The following PATL2 variants were observed in gnomAD, a reference collection of about 807,000 sequenced individuals.
PATL2 encodes PAT1 homolog 2.
In PATL2, 73 loss-of-function variants were observed where a neutral mutation model predicts 77.0. That is an observed-to-expected ratio of 0.95 (90% CI 0.78 to 1.15). The LOEUF (loss-of-function observed/expected upper bound fraction) is 1.15. Among genes scored for constraint, PATL2 ranks in the 50% most tolerant of loss-of-function variants. The pLI is 0.00. For synonymous variants in PATL2, 265 were observed against 257.1 expected, an observed-to-expected ratio of 1.03 and a Z score of -0.29; for missense variants, 618 against 655.4, an observed-to-expected ratio of 0.94 and a Z score of 0.62.
At chr15:44,700,900 G>A (rs2141263244) in intron 3 of PATL2, among the ~76,000 whole-genome samples, 1 of 152,200 alleles carries the variant, frequency 6.6e-6, no homozygotes, top group East Asian at 1.9e-4. Context: ...TACTAGCTGT[G>A]GGTTTGTCAT....
At chr15:44,669,211 C>A (rs1595958040) in intron 13 of PATL2, 69 bp downstream of exon 13, 1 of 1,525,850 alleles carries the variant, frequency 6.6e-7, no homozygotes, top group East Asian at 2.5e-5. Flanking sequence ...AAAGGAGAGG[C>A]AGAAGCAAGA....
chr15:44,677,004 G>C, intron 3 of PATL2: 4 of 688,538 alleles, frequency 5.8e-6, no homozygotes, highest in Non-Finnish European at 7.2e-6. Flanking sequence ...ATCCATTGGG[G>C]CCTGATGGAA....
At position 44,666,557 on chromosome 15, in the gene PATL2, A is replaced by G. The variant is rs1361910075; in HGVS notation, c.1464-16T>C. 3 of 1,500,838 alleles carry G rather than the reference A, an allele frequency of 2.0e-6. No homozygotes were observed. Among genetic ancestry groups the G allele is most frequent in the Non-Finnish European group, 8.9e-7 (1 of 1,126,158 alleles). 93.0% of individuals were successfully genotyped at this position (1,500,838 alleles called of 1,614,324 possible). A position where few individuals can be genotyped will look rare whatever the true frequency, so the allele number is the denominator to read the frequency against. On this transcript the variant is annotated splice_polypyrimidine_tract_variant and intron_variant, in intron 16 of 17. Coordinates refer to ENST00000682850, the MANE Select transcript of PATL2 (RefSeq NM_001387263.1). ...CATGTCTGTCCTAGAGAGCATAAAT[A>G]TAAATATAAGCAAATAGATTTGCTT...
chr15:44,668,929 C>A (rs2085518850), intron 14 of PATL2, 51 bp downstream of exon 14: 1 of 1,480,016 alleles, frequency 6.8e-7, no homozygotes, highest in Non-Finnish European at 9.0e-7. Context: ...GGAGGAATGA[C>A]CCCTAACCTA....
At chr15:44,668,289 AG>A in intron 15 of PATL2, 52 bp downstream of exon 15, 2 of 1,524,368 alleles carry the variant, frequency 1.3e-6, no homozygotes, top group Non-Finnish European at 1.8e-6. Context: ...ACCCCTTATC[AG>A]TGATACCAAC....
rs200648592 is a variant in PATL2, at chr15:44,669,863, C to T, written c.790G>A (p.Glu264Lys). The change falls in exon 11 of 18, where the codon GAG becomes AAG. Residue 264 changes from glutamate to lysine, a missense_variant. Glu to Lys is a moderately conservative substitution (Grantham distance 56). Transcript: ENST00000682850. ...AEAYESVVRI[E>K]GSLGQVAVST... is the part of the protein sequence containing the mutation. Reference sequence around the variant, plus strand: ...ACAGCTACCTGGCCCAGGGAACCCTCGATTCGGACCACTGCATGAGAAGAG... The same window carrying T: ...ACAGCTACCTGGCCCAGGGAACCCTTGATTCGGACCACTGCATGAGAAGAG... 1.6e-4 allele frequency: 253 copies of T among 1,551,536 alleles called. 1 individual carries two copies. The highest frequency in any genetic ancestry group is 2.6e-4 in the Admixed American group (13 of 50,976).
chr15:44,706,995 C>T (rs1566872373), intron 3 of PATL2, among the ~76,000 whole-genome samples: 1 of 152,164 alleles, frequency 6.6e-6, no homozygotes. Flanking sequence ...TTTCCCTCCC[C>T]TTTCCACAAG....
chr15:44,696,464 T>C (rs540363307), intron 3 of PATL2, among the ~76,000 whole-genome samples: 1 of 152,342 alleles, frequency 6.6e-6, no homozygotes, highest in South Asian at 2.1e-4. Flanking sequence ...AGGATTTTTA[T>C]ATTTCTGTAC....
chr15:44,705,811 G>GT (rs371254036), intron 3 of PATL2, among the ~76,000 whole-genome samples: 28 of 135,392 alleles, frequency 2.1e-4, no homozygotes, highest in African/African-American at 2.1e-4. Context: ...TCAAAACATT[G>GT]TTTTTTTTTA....
At position 44,704,906 on chromosome 15, in the gene PATL2, A is replaced by G. The variant is rs1056175052; in HGVS notation, c.-76+5190T>C. On this transcript the variant is annotated intron_variant, in intron 3 of 17. Transcript: ENST00000682850. Reference sequence around the variant, plus strand: ...CATATTTCAAGGATATTTCCACTGGAAAGTCTGCTGCCAGACATATCAGAG... The same window carrying G: ...CATATTTCAAGGATATTTCCACTGGGAAGTCTGCTGCCAGACATATCAGAG... Among the ~76,000 whole-genome samples, 6 of 152,180 alleles carry G rather than the reference A, an allele frequency of 3.9e-5. No homozygotes were observed. In the East Asian group the frequency reaches 1.2e-3, roughly 29 times the overall value.
intron 4 of PATL2, chr15:44,675,949 A>G: frequency 2.2e-6 from 1 of 461,254 alleles, no homozygotes; most frequent in South Asian, 3.4e-5. Context: ...TGGGAGGCCA[A>G]GGCGGGAAGA....
chr15:44,675,911 G>A (rs1336552190), intron 4 of PATL2: 8 of 535,478 alleles, frequency 1.5e-5, no homozygotes, highest in Non-Finnish European at 2.6e-5. Context: ...GCCAGGTGTG[G>A]TGGCTCGTGC....
intron 3 of PATL2, among the ~76,000 whole-genome samples, chr15:44,696,688 TC>T (rs2086510639): frequency 6.6e-6 from 1 of 152,004 alleles, no homozygotes; most frequent in Non-Finnish European, 1.5e-5. Flanking sequence ...TTTTTCCCCC[TC>T]CAAGGTATGG....
intron 16 of PATL2, 151 bp downstream of exon 16, chr15:44,666,955 A>C (rs936850966): frequency 1.5e-6 from 1 of 649,284 alleles, no homozygotes; most frequent in African/African-American, 1.8e-5. Context: ...GGCACTATAG[A>C]AAAAAAGCAG....
At chr15:44,709,543 A>G (rs2086808277) in intron 3 of PATL2, among the ~76,000 whole-genome samples, 1 of 152,136 alleles carries the variant, frequency 6.6e-6, no homozygotes, top group South Asian at 2.1e-4. Context: ...TTAAAAAAAA[A>G]AGAAATTGTC....
At chr15:44,708,958 G>C (rs893397162) in intron 3 of PATL2, among the ~76,000 whole-genome samples, 11 of 152,128 alleles carry the variant, frequency 7.2e-5, no homozygotes, top group African/African-American at 2.7e-4. Context: ...GAGTGCAGTG[G>C]TGCAATCTCG....
intron 3 of PATL2, among the ~76,000 whole-genome samples, chr15:44,702,424 TA>T (rs1026326195): frequency 2.0e-5 from 3 of 151,976 alleles, no homozygotes; most frequent in Non-Finnish European, 2.9e-5. Flanking sequence ...TTTTTGTCTT[TA>T]AAAAAACAAC....
intron 13 of PATL2, 27 bp downstream of exon 13, chr15:44,669,253 G>A (rs1381495290): frequency 6.5e-7 from 1 of 1,538,630 alleles, no homozygotes; most frequent in African/African-American, 1.4e-5. Context: ...CCCTTCCTGG[G>A]CTGAGGTGGA....
At chr15:44,668,193 G>A (rs1595956022) in intron 15 of PATL2, 149 bp downstream of exon 15, 3 of 1,075,202 alleles carry the variant, frequency 2.8e-6, no homozygotes, top group East Asian at 2.8e-5. Context: ...GGTTTAATAA[G>A]CTTCCAGGTG....
Sources: allele counts gnomAD v4.1 joint callset (sites outside exome capture counted in the v4.1 genomes callset), GRCh38; gene constraint gnomAD v4.1.1; transcripts MANE v1.5; gene names NCBI Gene and HGNC (gene_info 2026-07-23, HGNC 2026-07-21).